The following PDGFD variants were observed in gnomAD, a reference collection of about 807,000 sequenced individuals.
PDGFD encodes platelet-derived growth factor D.
PDGFD carries 30 observed loss-of-function variants against 44.7 expected under a neutral mutation model. That is an observed-to-expected ratio of 0.67 (90% CI 0.50 to 0.91). The LOEUF is 0.91. Ranked by LOEUF, PDGFD falls within the 40% of genes least tolerant of loss-of-function variation. PDGFD has a pLI of 0.00. For synonymous variants in PDGFD, 173 were observed against 168.4 expected, an observed-to-expected ratio of 1.03 and a Z score of -0.21; for missense variants, 445 against 457.8, an observed-to-expected ratio of 0.97 and a Z score of 0.25.
chr11:104,147,922 A>G (rs1862186290), intron 1 of PDGFD, among the ~76,000 whole-genome samples: 1 of 152,226 alleles, frequency 6.6e-6, no homozygotes, highest in Admixed American at 6.5e-5. Context: ...GAAGTGATAA[A>G]TGAGAATATT....
intron 3 of PDGFD, among the ~76,000 whole-genome samples, chr11:103,968,604 T>C (rs149395260): frequency 2.6e-5 from 4 of 152,228 alleles, no homozygotes; most frequent in Admixed American, 2.6e-4. Flanking sequence ...CCATATCTTC[T>C]AGTCTATGCT....
chr11:103,984,868 C>T (rs1440213872), intron 3 of PDGFD, among the ~76,000 whole-genome samples: 3 of 134,230 alleles, frequency 2.2e-5, no homozygotes, highest in African/African-American at 5.9e-5. Flanking sequence ...ATTAATTTAT[C>T]TAATATAGTT....
At chr11:103,976,298 T>C (rs1859184375) in intron 3 of PDGFD, among the ~76,000 whole-genome samples, 2 of 152,170 alleles carry the variant, frequency 1.3e-5, no homozygotes, top group Admixed American at 6.5e-5. Flanking sequence ...GTAGCGATTG[T>C]GAATGGGAGT....
intron 1 of PDGFD, among the ~76,000 whole-genome samples, chr11:104,125,152 T>C (rs1861824242): frequency 2.6e-5 from 4 of 152,154 alleles, no homozygotes; most frequent in Admixed American, 2.6e-4. Flanking sequence ...GAAAGTAATA[T>C]GTTAGTAATG....
At chr11:104,160,945 T>G (rs547426912) in intron 1 of PDGFD, among the ~76,000 whole-genome samples, 1 of 152,314 alleles carries the variant, frequency 6.6e-6, no homozygotes, top group Admixed American at 6.5e-5. Flanking sequence ...CTGGAGCTAT[T>G]AGGCATAGTA....
intron 5 of PDGFD, among the ~76,000 whole-genome samples, chr11:103,933,440 G>A (rs1302528087): frequency 5.9e-5 from 9 of 152,198 alleles, no homozygotes; most frequent in Non-Finnish European, 8.8e-5. Context: ...AAGTTTTAAT[G>A]AGGGACTATC....
rs1164543018 is a variant in PDGFD, at chr11:103,987,987, C to CT, written c.510+8077dup. 3.9e-5 allele frequency among the ~76,000 whole-genome samples: 6 copies of CT among 152,240 alleles called. No individual in the cohort carries two copies. The South Asian group carries it at 1.2e-3, about 32-fold the overall frequency. On this transcript the variant is annotated intron_variant, in intron 3 of 6. Coordinates refer to ENST00000393158, the MANE Select transcript of PDGFD (RefSeq NM_025208.5). ...TTCTCTCCCTCAGGACTATCATTTT[C>CT]TTATTATCCACAGTAAGTCTTCAGA...
chr11:104,011,882 T>C (rs1168709232), intron 1 of PDGFD, among the ~76,000 whole-genome samples: 1 of 152,118 alleles, frequency 6.6e-6, no homozygotes, highest in Non-Finnish European at 1.5e-5. Context: ...AAGTGCTTTA[T>C]GGGACCAAAG....
chr11:103,986,371 C>T (rs1484712149), intron 3 of PDGFD, among the ~76,000 whole-genome samples: 1 of 152,158 alleles, frequency 6.6e-6, no homozygotes, highest in Admixed American at 6.5e-5. Context: ...ACCAAAGATA[C>T]CTGATTGAAA....
chr11:104,017,074 A>T (rs1211472194), intron 1 of PDGFD, among the ~76,000 whole-genome samples: 1 of 152,126 alleles, frequency 6.6e-6, no homozygotes, highest in Non-Finnish European at 1.5e-5. Context: ...CATGAATGAG[A>T]TTACGGATTT....
chr11:104,054,761 A>G (rs1416836231), intron 1 of PDGFD, among the ~76,000 whole-genome samples: 1 of 152,226 alleles, frequency 6.6e-6, no homozygotes, highest in Non-Finnish European at 1.5e-5. Flanking sequence ...GATGAGAGAT[A>G]CTTAAGCAAG....
At chr11:104,037,803 T>C (rs138846956) in intron 1 of PDGFD, 40 of 1,614,068 alleles carry the variant, frequency 2.5e-5, no homozygotes, top group Non-Finnish European at 3.3e-5. Context: ...AACCCATGGA[T>C]ATGCTTCTAG....
intron 1 of PDGFD, among the ~76,000 whole-genome samples, chr11:104,051,373 C>T (rs1476439855): frequency 6.6e-6 from 1 of 152,120 alleles, no homozygotes; most frequent in Non-Finnish European, 1.5e-5. Context: ...CTCAGATGAT[C>T]AGTGGGGTGC....
intron 1 of PDGFD, among the ~76,000 whole-genome samples, chr11:104,075,415 A>G (rs974509351): frequency 1.3e-5 from 2 of 151,844 alleles, no homozygotes; most frequent in Non-Finnish European, 2.9e-5. Flanking sequence ...AGTGTGAGGT[A>G]CACATTTTCT....
intron 6 of PDGFD, among the ~76,000 whole-genome samples, chr11:103,920,535 G>A (rs1858198562): frequency 6.6e-6 from 1 of 152,228 alleles, no homozygotes; most frequent in African/African-American, 2.4e-5. Context: ...GCTTTGGCAG[G>A]AAGGCCTGAT....
intron 1 of PDGFD, among the ~76,000 whole-genome samples, chr11:104,105,117 A>G (rs2134448470): frequency 6.6e-6 from 1 of 152,320 alleles, no homozygotes; most frequent in South Asian, 2.1e-4. Flanking sequence ...CGTGATTATC[A>G]TTTCACAGAA....
At chr11:103,990,454 T>C (rs1279529632) in intron 3 of PDGFD, among the ~76,000 whole-genome samples, 2 of 152,234 alleles carry the variant, frequency 1.3e-5, no homozygotes, top group East Asian at 1.9e-4. Flanking sequence ...TCTGCCTTTA[T>C]TGAGGTTTGA....
At chr11:104,141,472 T>C (rs1197034444) in intron 1 of PDGFD, among the ~76,000 whole-genome samples, 1 of 151,916 alleles carries the variant, frequency 6.6e-6, no homozygotes, top group Non-Finnish European at 1.5e-5. Context: ...ATCTCTTAAG[T>C]GAGTTCTCTT....
chr11:103,922,928 A>G (rs1416562710), intron 6 of PDGFD, among the ~76,000 whole-genome samples: 1 of 152,056 alleles, frequency 6.6e-6, no homozygotes, highest in Non-Finnish European at 1.5e-5. Flanking sequence ...AAGAATCTGA[A>G]CAAACAGGCC....
Sources: gnomAD v4.1 joint callset for allele counts (sites outside exome capture counted in the v4.1 genomes callset) on GRCh38, gnomAD v4.1.1 for gene constraint, MANE v1.5 for transcripts, NCBI Gene and HGNC (gene_info 2026-07-23, HGNC 2026-07-21) for gene names.